The following IL33 variants were observed in gnomAD, a reference collection of about 807,000 sequenced individuals.
IL33 encodes the protein interleukin-33.
Under a neutral mutation model 27.3 loss-of-function variants are expected in IL33, and 37 were observed. The ratio of observed to expected loss-of-function variants is 1.36; its 90% CI spans 1.04 to 1.78. IL33 has a LOEUF of 1.78. IL33 is among the 40% of genes most tolerant of loss of function. The pLI is 0.00. For synonymous variants in IL33, 132 were observed against 102.9 expected (o/e 1.28, Z -1.71); for missense variants, 406 against 311.4 (o/e 1.30, Z -2.29).
chr9:6,234,539 G>A (rs916887120), intron 1 of IL33, among the ~76,000 whole-genome samples: 2 of 152,136 alleles, frequency 1.3e-5, no homozygotes, highest in Non-Finnish European at 2.9e-5. Flanking sequence ...TTTTAATCCT[G>A]ACTCAGCCAC....
chr9:6,247,017 G>C (rs954062680), intron 2 of IL33, among the ~76,000 whole-genome samples: 1 of 152,186 alleles, frequency 6.6e-6, no homozygotes, highest in East Asian at 1.9e-4. Context: ...CTTCAAAGTA[G>C]CTGGGTCAAA....
chr9:6,225,673 C>T (rs1462754457), intron 1 of IL33, among the ~76,000 whole-genome samples: 2 of 151,998 alleles, frequency 1.3e-5, no homozygotes, highest in East Asian at 1.9e-4. Context: ...GATTTTTTTC[C>T]TCCTCCAAAT....
At chr9:6,232,071 T>C (rs1818953939) in intron 1 of IL33, among the ~76,000 whole-genome samples, 2 of 152,156 alleles carry the variant, frequency 1.3e-5, no homozygotes, top group African/African-American at 4.8e-5. Context: ...GTATTAGCAT[T>C]TAAAAGTGGG....
intron 1 of IL33, among the ~76,000 whole-genome samples, chr9:6,229,825 T>G (rs1218896939): frequency 6.6e-6 from 1 of 152,186 alleles, no homozygotes; most frequent in East Asian, 1.9e-4. Flanking sequence ...GTTGGATCTA[T>G]TATTATATAT....
rs61318432 is a variant in IL33 at position 6,236,018 on chromosome 9, TACACACACAC to T, written c.-11-5634_-11-5625del. Reference sequence around the variant, plus strand: ...ATACACCCACACCCACCCACACCCATACACACACACACACACACACACACACACACACACA... The same window carrying T: ...ATACACCCACACCCACCCACACCCATACACACACACACACACACACACACA... On this transcript the variant is annotated intron_variant, in intron 1 of 7. Coordinates refer to ENST00000682010, the MANE Select transcript of IL33 (RefSeq NM_033439.4). Among the ~76,000 whole-genome samples, 190 of 139,588 alleles carry T rather than the reference TACACACACAC, an allele frequency of 1.4e-3. 2 individuals carry two copies. Among genetic ancestry groups the T allele is most frequent in the Middle Eastern group, 3.6e-3 (1 of 280 alleles). 91.6% of individuals were successfully genotyped at this position (139,588 alleles called of 152,430 possible). A position where few individuals can be genotyped will look rare whatever the true frequency, so the allele number is the denominator to read the frequency against.
intron 6 of IL33, among the ~76,000 whole-genome samples, 183 bp from the exon 7 acceptor site, chr9:6,254,279 A>G (rs987552614): frequency 3.3e-5 from 5 of 152,216 alleles, no homozygotes; most frequent in African/African-American, 1.2e-4. Flanking sequence ...TCTCCGGTTT[A>G]TAAGTACCCT....
chr9:6,254,476 G>C lies in IL33; in HGVS notation c.535G>C (p.Gly179Arg). ...PSNESGDGVD[G>R]KMLMVTLSPT... The stretch of plus-strand genomic sequence containing the variant: ...TTAATTGTAAGGTGACGGTGTTGAT[G>C]GTAAGATGTTAATGGTAACCCTGAG... Residue 179 changes from glycine to arginine, a missense_variant, in exon 7 of 8, where the codon GGT (glycine) becomes CGT (arginine). Transcript: ENST00000682010. 1 of 1,584,898 alleles carries C rather than the reference G, an allele frequency of 6.3e-7. No homozygotes were observed. Among genetic ancestry groups the C allele is most frequent in the South Asian group, 1.2e-5 (1 of 85,698 alleles).
At chr9:6,222,011 T>C (rs1818432347) in intron 1 of IL33, among the ~76,000 whole-genome samples, 1 of 151,978 alleles carries the variant, frequency 6.6e-6, no homozygotes. Context: ...ATAGCTGGAG[T>C]AGCCCACAAA....
intron 1 of IL33, among the ~76,000 whole-genome samples, chr9:6,236,313 T>A (rs1819204981): frequency 6.6e-6 from 1 of 152,194 alleles, no homozygotes; most frequent in African/African-American, 2.4e-5. Context: ...ATGTGTATAA[T>A]TTTTTACATA....
chr9:6,251,917 G>A (rs1347748750), intron 4 of IL33, among the ~76,000 whole-genome samples: 3 of 151,572 alleles, frequency 2.0e-5, no homozygotes, highest in Admixed American at 6.6e-5. Context: ...ATGTGCACCC[G>A]TAATTCCAGC....
intron 1 of IL33, among the ~76,000 whole-genome samples, chr9:6,217,228 T>C (rs1818186358): frequency 6.6e-6 from 1 of 152,104 alleles, no homozygotes; most frequent in Admixed American, 6.5e-5. Context: ...ACAATAGTGA[T>C]GTTATTTACA....
intron 1 of IL33, among the ~76,000 whole-genome samples, chr9:6,219,659 G>A (rs909901581): frequency 3.3e-5 from 5 of 152,058 alleles, no homozygotes; most frequent in Non-Finnish European, 1.5e-5. Context: ...AAACAAACAA[G>A]CAACAAAATC....
At chr9:6,241,295 A>G (rs1033809452) in intron 1 of IL33, among the ~76,000 whole-genome samples, 5 of 152,248 alleles carry the variant, frequency 3.3e-5, no homozygotes, top group African/African-American at 9.6e-5. Context: ...ATTATATACT[A>G]TGCATGATTG....
rs778800068 is a variant in IL33 at position 6,241,783 on chromosome 9, G to A, written c.89G>A (p.Gly30Glu). 1.9e-6 allele frequency: 3 copies of A among 1,605,410 alleles called. No individual in the cohort carries two copies. The highest frequency in any genetic ancestry group is 1.1e-5 in the South Asian group (1 of 89,684). ...TASKALCFKLGKSQQKAKEVC... is the reference protein window; with the variant it reads ...TASKALCFKLEKSQQKAKEVC... ...AGCAAAGCCTTGTGTTTCAAGCTGG[G>A]AAGTAAGGACTTAAGTTATCTCTGA... The change falls in exon 2 of 8, where the codon GGA becomes GAA. Residue 30 changes from glycine to glutamate, a missense_variant and splice_region_variant. Physicochemically the swap from Gly to Glu is moderately conservative, Grantham distance 98. Transcript: ENST00000682010.
intron 2 of IL33, among the ~76,000 whole-genome samples, chr9:6,243,819 T>C (rs10975512): frequency 0.21 from 32,295 of 152,136 alleles, 3,844 homozygotes; most frequent in East Asian, 0.48. Flanking sequence ...TGTACATCTT[T>C]AAGGCTAGAA....
At chr9:6,216,818 G>T (rs1460480090) in intron 1 of IL33, among the ~76,000 whole-genome samples, 1 of 152,182 alleles carries the variant, frequency 6.6e-6, no homozygotes, top group African/African-American at 2.4e-5. Flanking sequence ...ACTAAATGAA[G>T]TAGTTTGGAA....
rs139208723 is a variant in IL33, at chr9:6,251,659, G to C, written c.343+394G>C. Among the ~76,000 whole-genome samples the C allele has an allele frequency of 5.6e-3, 850 of 152,066 alleles. 10 individuals carry two copies. Among genetic ancestry groups the C allele is most frequent in the African/African-American group, 0.019 (793 of 41,464 alleles). On this transcript the variant is annotated intron_variant, in intron 4 of 7. Transcript: ENST00000682010. ...TCTAACACTTTATACATTTTAAGTA[G>C]TAGTTAAGATGGTTTTAAATTTTAT...
At chr9:6,227,896 C>T (rs202050292) in intron 1 of IL33, among the ~76,000 whole-genome samples, 1 of 152,118 alleles carries the variant, frequency 6.6e-6, no homozygotes, top group African/African-American at 2.4e-5. Flanking sequence ...GGAGGAAGAT[C>T]TGGAATGCAA....
chr9:6,229,374 A>T (rs1189216648), intron 1 of IL33, among the ~76,000 whole-genome samples: 1 of 152,210 alleles, frequency 6.6e-6, no homozygotes, highest in Non-Finnish European at 1.5e-5. Flanking sequence ...GGAATAAAAC[A>T]ACTTGTACTG....
Sources: gnomAD v4.1 joint callset for allele counts (sites outside exome capture counted in the v4.1 genomes callset) on GRCh38, gnomAD v4.1.1 for gene constraint, MANE v1.5 for transcripts, NCBI Gene and HGNC (gene_info 2026-07-23, HGNC 2026-07-21) for gene names.